The following GLG1 variants were observed in gnomAD, a reference collection of about 807,000 sequenced individuals.
The protein encoded by GLG1 is Golgi apparatus protein 1.
GLG1 carries 38 observed loss-of-function variants against 160.5 expected under a neutral mutation model. The ratio of observed to expected loss-of-function variants is 0.24; its 90% CI spans 0.18 to 0.31. The LOEUF (loss-of-function observed/expected upper bound fraction) is 0.31. Among genes scored for constraint, GLG1 ranks in the 10% least tolerant of loss-of-function variants. The pLI, the probability that GLG1 is intolerant of heterozygous loss-of-function variation, is 1.00. For missense variants in GLG1, 1,373 were observed against 1,505.2 expected (o/e 0.91, Z 1.45); for synonymous variants, 644 against 543.4 (o/e 1.19, Z -2.57).
intron 1 of GLG1, among the ~76,000 whole-genome samples, chr16:74,592,606 T>C (rs955300300): frequency 2.0e-5 from 3 of 152,274 alleles, no homozygotes; most frequent in East Asian, 1.9e-4. Flanking sequence ...GGGAAGACCA[T>C]TTATAAATAA....
intron 2 of GLG1, among the ~76,000 whole-genome samples, chr16:74,523,509 T>C (rs972014243): frequency 5.9e-5 from 9 of 152,132 alleles, no homozygotes; most frequent in East Asian, 1.9e-4. Context: ...ACAGAATCTA[T>C]AGTCAATGTA....
Position 74,449,028 on chromosome 16 carries a change from G to A in GLG1, c.*4139C>T, listed in dbSNP as rs1194822769. 1 of 152,196 alleles carries A rather than the reference G, an allele frequency of 6.6e-6. No individual in the cohort carries two copies. Among genetic ancestry groups the A allele is most frequent in the Non-Finnish European group, 1.5e-5 (1 of 68,112 alleles). The allele number at this position is 152,196 out of a possible 1,614,324, so 9.4% of individuals were successfully genotyped here. On this transcript the variant is annotated 3_prime_UTR_variant, in exon 26 of 26. Transcript: ENST00000422840. ...AGGCAGGACAATCGCTTGAACCAGGGAGTCGGAGGATTCGGTAAGCTGAGA... is the reference window on the plus strand; with the variant it reads ...AGGCAGGACAATCGCTTGAACCAGGAAGTCGGAGGATTCGGTAAGCTGAGA...
intron 3 of GLG1, among the ~76,000 whole-genome samples, chr16:74,508,423 C>G (rs1292064461): frequency 5.3e-5 from 8 of 151,808 alleles, no homozygotes; most frequent in Non-Finnish European, 1.0e-4. Flanking sequence ...AAAATCTTAA[C>G]CTTTTTAACA....
At chr16:74,584,397 G>C (rs759452835) in intron 1 of GLG1, among the ~76,000 whole-genome samples, 1 of 152,102 alleles carries the variant, frequency 6.6e-6, no homozygotes, top group Non-Finnish European at 1.5e-5. Context: ...AATTAACGAA[G>C]TTTTGTTAGC....
chr16:74,580,004 A>G (rs1325658457), intron 1 of GLG1, among the ~76,000 whole-genome samples: 1 of 152,102 alleles, frequency 6.6e-6, no homozygotes, highest in Non-Finnish European at 1.5e-5. Flanking sequence ...CAGAGGTTGC[A>G]GTGAGCCAAG....
At chr16:74,535,736 T>C (rs1242049948) in intron 1 of GLG1, among the ~76,000 whole-genome samples, 1 of 152,226 alleles carries the variant, frequency 6.6e-6, no homozygotes, top group Non-Finnish European at 1.5e-5. Context: ...TGCCCAGCTT[T>C]TTCCTAGGTT....
At chr16:74,454,122 C>T (rs2014431900) in intron 25 of GLG1, among the ~76,000 whole-genome samples, 1 of 152,006 alleles carries the variant, frequency 6.6e-6, no homozygotes, top group South Asian at 2.1e-4. Flanking sequence ...ATCCGCCCAC[C>T]TCGGCCTCCC....
chr16:74,531,298 C>A lies in GLG1; in HGVS notation c.471+823G>T, dbSNP rs369656918. On this transcript the variant is annotated intron_variant, in intron 2 of 25. Coordinates refer to ENST00000422840, the MANE Select transcript of GLG1 (RefSeq NM_001145667.2). ...CACATATAGATGCCTCTTCTAAGAC[C>A]CAGATCAAGTGTCACCTCTTTTATT... is the stretch of plus-strand genomic sequence containing the variant. Among the ~76,000 whole-genome samples the A allele has an allele frequency of 4.0e-4, 61 of 152,044 alleles. No homozygotes were observed. The South Asian group carries it at 0.012, about 29-fold the overall frequency.
At chr16:74,516,918 T>C (rs1490373432) in intron 2 of GLG1, among the ~76,000 whole-genome samples, 4 of 152,090 alleles carry the variant, frequency 2.6e-5, no homozygotes, top group South Asian at 4.1e-4. Context: ...GAAAATACTA[T>C]AAACACCTCT....
chr16:74,557,565 C>G (rs905298415), intron 1 of GLG1, among the ~76,000 whole-genome samples: 1 of 152,200 alleles, frequency 6.6e-6, no homozygotes, highest in South Asian at 2.1e-4. Flanking sequence ...CTAGTCCAGA[C>G]GCAGAAGATT....
intron 1 of GLG1, among the ~76,000 whole-genome samples, chr16:74,582,978 C>A (rs1464344560): frequency 6.6e-6 from 1 of 152,146 alleles, no homozygotes; most frequent in Non-Finnish European, 1.5e-5. Flanking sequence ...CAAGGGTTTA[C>A]TACCTTTTAA....
rs2014315763 is a variant in GLG1 at position 74,451,780 on chromosome 16, C to T, written c.*1387G>A. The T allele has an allele frequency of 2.4e-6, 1 of 421,326 alleles. No homozygotes were observed. Among genetic ancestry groups the T allele is most frequent in the Non-Finnish European group, 4.4e-6 (1 of 226,498 alleles). The allele number at this position is 421,326 out of a possible 1,614,324, so 26.1% of individuals were successfully genotyped here. ...TGAACCATGATGCCCGGACCCCTCC[C>T]TCTCACACCCAGACTTGTCATCTCC... is the stretch of plus-strand genomic sequence containing the variant. On this transcript the variant is annotated 3_prime_UTR_variant, in exon 26 of 26. Transcript: ENST00000422840.
chr16:74,467,342 T>TA (rs754387535), intron 18 of GLG1, among the ~76,000 whole-genome samples: 3 of 152,132 alleles, frequency 2.0e-5, no homozygotes, highest in East Asian at 3.9e-4. Context: ...TTCTGTCTAT[T>TA]AAAAAAAAGT....
At chr16:74,553,897 A>G (rs1214369040) in intron 1 of GLG1, among the ~76,000 whole-genome samples, 2 of 152,206 alleles carry the variant, frequency 1.3e-5, no homozygotes, top group African/African-American at 2.4e-5. Flanking sequence ...TCCAAACTCC[A>G]TAACTTGGTA....
chr16:74,532,552 C>T (rs2017571314), intron 1 of GLG1, among the ~76,000 whole-genome samples: 2 of 152,024 alleles, frequency 1.3e-5, no homozygotes, highest in African/African-American at 4.8e-5. Flanking sequence ...GAGACAGGGT[C>T]TCACTCTGTC....
chr16:74,534,119 A>T (rs1381597133), intron 1 of GLG1, among the ~76,000 whole-genome samples: 2 of 152,272 alleles, frequency 1.3e-5, no homozygotes, highest in Middle Eastern at 3.4e-3. Flanking sequence ...CTAGGTAATC[A>T]TAAGATTCTA....
At chr16:74,458,053 T>C (rs539929125) in intron 23 of GLG1, 59 bp from the exon 24 acceptor site, 4 of 1,551,752 alleles carry the variant, frequency 2.6e-6, no homozygotes, top group African/African-American at 2.7e-5. Context: ...TCAGATCTGT[T>C]GTCTGTAAAT....
intron 6 of GLG1, among the ~76,000 whole-genome samples, chr16:74,494,403 C>CTTTTTT (rs3973383): frequency 2.9e-5 from 2 of 70,130 alleles, no homozygotes; most frequent in African/African-American, 6.0e-5. Context: ...ATTGAGAAAG[C>CTTTTTT]TTTTTTTTTT....
At chr16:74,524,878 T>C (rs1231660317) in intron 2 of GLG1, among the ~76,000 whole-genome samples, 3 of 152,226 alleles carry the variant, frequency 2.0e-5, no homozygotes, top group African/African-American at 4.8e-5. Context: ...TCCCCACTTC[T>C]CTGAGTTCCT....
Sources: gnomAD v4.1 joint callset for allele counts (sites outside exome capture counted in the v4.1 genomes callset) on GRCh38, gnomAD v4.1.1 for gene constraint, MANE v1.5 for transcripts, NCBI Gene and HGNC (gene_info 2026-07-23, HGNC 2026-07-21) for gene names.